The following HCN2 variants were observed in gnomAD, a reference collection of about 807,000 sequenced individuals.
HCN2 encodes hyperpolarization activated cyclic nucleotide gated potassium and sodium channel 2, also known as potassium/sodium hyperpolarization-activated cyclic nucleotide-gated channel 2.
In HCN2, 20 loss-of-function variants were observed where a neutral mutation model predicts 52.3. The observed-to-expected ratio is 0.38, with a 90% CI of 0.27 to 0.56. The LOEUF (loss-of-function observed/expected upper bound fraction) is 0.56, where lower values mean the gene tolerates loss of function less well. HCN2 is among the 20% of genes least tolerant of loss of function. HCN2 has a pLI of 0.71. For synonymous variants in HCN2, 694 were observed against 537.0 expected (o/e 1.29, Z -4.04); for missense variants, 981 against 1,207.7 (o/e 0.81, Z 2.78).
In HCN2 at chr19:614,512, C is replaced by T. The variant is rs574573246; in HGVS notation, c.1990+496C>T. 8.4e-4 allele frequency among the ~76,000 whole-genome samples: 128 copies of T among 152,226 alleles called. 1 individual carries two copies. Among genetic ancestry groups the T allele is most frequent in the African/African-American group, 2.8e-3 (117 of 41,522 alleles). On this transcript the variant is annotated intron_variant, in intron 7 of 7. Transcript: ENST00000251287. Reference sequence around the variant, plus strand: ...TGAGTTGGGAATGCAGAGTGGAGACCAGGGTAAGGGATGCCATGTGGAAAC... The same window carrying T: ...TGAGTTGGGAATGCAGAGTGGAGACTAGGGTAAGGGATGCCATGTGGAAAC...
chr19:603,797 G>T lies in HCN2; in HGVS notation c.886G>T (p.Val296Leu), dbSNP rs773962337. Residue 296 changes from valine to leucine, a missense_variant, in exon 2 of 8, where the codon GTG becomes TTG. By Grantham distance (32) the Val-to-Leu change is conservative. This residue lies in a region of HCN2 where 282 missense variants were observed against 553.8 expected (regional missense o/e 0.51). Transcript: ENST00000251287. The part of the protein sequence containing the change: ...YLRTWFVVDF[V>L]SSIPVDYIFL... ...GCGCACGTGGTTCGTGGTGGACTTC[G>T]TGTCCTCCATCCCCGTGGACTACAT... 1.2e-6 allele frequency: 2 copies of T among 1,612,640 alleles called. No individual in the cohort carries two copies. The highest frequency in any genetic ancestry group is 1.7e-6 in the Non-Finnish European group (2 of 1,179,836).
intron 1 of HCN2, among the ~76,000 whole-genome samples, chr19:601,135 A>G (rs1441056899): frequency 6.6e-6 from 1 of 152,182 alleles, no homozygotes; most frequent in African/African-American, 2.4e-5. Flanking sequence ...CAACATGGTG[A>G]AACCCTGTCT....
At chr19:595,127 A>C (rs1254932516) in intron 1 of HCN2, among the ~76,000 whole-genome samples, 1 of 152,102 alleles carries the variant, frequency 6.6e-6, no homozygotes, top group African/African-American at 2.4e-5. Context: ...ACCTGAGCCC[A>C]GGAGGTTGAG....
chr19:604,615 GTT>G, intron 2 of HCN2, among the ~76,000 whole-genome samples: 2 of 136,070 alleles, frequency 1.5e-5, no homozygotes, highest in African/African-American at 2.9e-5. Flanking sequence ...AGATATGAGG[GTT>G]GTGCTGGGCG....
In HCN2 at chr19:616,437, A is replaced by AG. The variant is rs1983930283; in HGVS notation, c.2635dup (p.Asp879GlyfsTer?). 1 of 1,246,214 alleles carries AG rather than the reference A, an allele frequency of 8.0e-7. No individual in the cohort carries two copies. The highest frequency in any genetic ancestry group is 1.0e-6 in the Non-Finnish European group (1 of 992,264). The allele number at this position is 1,246,214 out of a possible 1,614,324, so 77.2% of individuals were successfully genotyped here. On this transcript the variant is annotated frameshift_variant, in exon 8 of 8. Coordinates refer to ENST00000251287, the MANE Select transcript of HCN2 (RefSeq NM_001194.4). LOFTEE classifies it low-confidence loss of function (END_TRUNC). ...GGCGCCGCCGGCGGCCTGGACCCCCAGGACTCCGCGCGCTCGCGCCTCTCG... is the reference window on the plus strand; with the variant it reads ...GGCGCCGCCGGCGGCCTGGACCCCCAGGGACTCCGCGCGCTCGCGCCTCTCG...
chr19:604,372 G>T (rs1213355895), intron 2 of HCN2, among the ~76,000 whole-genome samples: 1 of 149,084 alleles, frequency 6.7e-6, no homozygotes, highest in Non-Finnish European at 1.5e-5. Context: ...CTACAATGGT[G>T]CAGTGGTAGA....
intron 2 of HCN2, 45 bp downstream of exon 2, chr19:604,012 A>G (rs767814420): frequency 4.5e-6 from 6 of 1,330,828 alleles, no homozygotes; most frequent in Admixed American, 4.2e-5. Flanking sequence ...GGGCGGGGCT[A>G]TAATGGTGCA....
At chr19:604,548 A>G (rs1983335493) in intron 2 of HCN2, among the ~76,000 whole-genome samples, 1 of 109,236 alleles carries the variant, frequency 9.2e-6, no homozygotes, top group African/African-American at 4.0e-5. Context: ...GGCGGGGTCA[A>G]GGCATCAGGG....
intron 2 of HCN2, among the ~76,000 whole-genome samples, chr19:604,837 C>G (rs1983361943): frequency 2.0e-5 from 1 of 50,284 alleles, no homozygotes; most frequent in Non-Finnish European, 3.5e-5. Context: ...GGGGGTCCTG[C>G]AGTGAAGGCT....
chr19:616,146 CGGGCGCGCCCGCCAGCCCCCG>C lies in HCN2; in HGVS notation c.2345_2365del (p.Gly782_Arg788del), dbSNP rs1983906181. 1 of 960,662 alleles carries C rather than the reference CGGGCGCGCCCGCCAGCCCCCG, an allele frequency of 1.0e-6. No individual in the cohort carries two copies. The highest frequency in any genetic ancestry group is 6.4e-5 in the Admixed American group (1 of 15,678). The allele number at this position is 960,662 out of a possible 1,614,324, so 59.5% of individuals were successfully genotyped here. A position where few individuals can be genotyped will look rare whatever the true frequency, so the allele number is the denominator to read the frequency against. ...GGGCCCCCGCCCCCCGCCAGCCCCC[CGGGCGCGCCCGCCAGCCCCCG>C]GGCACCGCGGACCTCGCCCTACGGC... On this transcript the variant is annotated inframe_deletion, in exon 8 of 8. Transcript: ENST00000251287.
At chr19:602,528 T>C (rs1428907452) in intron 1 of HCN2, among the ~76,000 whole-genome samples, 1 of 152,158 alleles carries the variant, frequency 6.6e-6, no homozygotes, top group African/African-American at 2.4e-5. Flanking sequence ...CAGTAAGGCA[T>C]CTGGGGCCCT....
chr19:599,254 C>T (rs896022240), intron 1 of HCN2, among the ~76,000 whole-genome samples: 3 of 152,232 alleles, frequency 2.0e-5, no homozygotes, highest in Admixed American at 6.5e-5. Context: ...TGGGTCACCC[C>T]GCAGACGTGG....
rs765305816 is a variant in HCN2 at position 613,840 on chromosome 19, C to G, written c.1826-12C>G. 6.5e-7 allele frequency: 1 copy of G among 1,538,826 alleles called. No homozygotes were observed. Among genetic ancestry groups the G allele is most frequent in the Non-Finnish European group, 8.7e-7 (1 of 1,148,818 alleles). On this transcript the variant is annotated splice_polypyrimidine_tract_variant and intron_variant, in intron 6 of 7. Transcript: ENST00000251287. ...CCTCGTCCAGCAACCCCCCCCTGCG[C>G]GCCACGTGCAGAGATCTGCCTGCTC... is the stretch of plus-strand genomic sequence containing the variant.
chr19:611,506 C>T (rs777021800), intron 5 of HCN2, among the ~76,000 whole-genome samples: 5 of 152,164 alleles, frequency 3.3e-5, no homozygotes, highest in Middle Eastern at 6.3e-3. Flanking sequence ...CTAGGGACCT[C>T]GGGCCCCGGG....
chr19:595,674 C>T (rs1013920936), intron 1 of HCN2, among the ~76,000 whole-genome samples: 9 of 152,326 alleles, frequency 5.9e-5, no homozygotes, highest in Non-Finnish European at 7.4e-5. Flanking sequence ...TGTGCCCCGG[C>T]GCCCGGCGAG....
At position 605,436 on chromosome 19, in the gene HCN2, C is replaced by T. The variant is rs12978322; in HGVS notation, c.1218+214C>T. 6.6e-3 allele frequency among the ~76,000 whole-genome samples: 253 copies of T among 38,064 alleles called. 3 individuals carry two copies. Among genetic ancestry groups the T allele is most frequent in the African/African-American group, 0.028 (166 of 5,978 alleles). The allele number at this position is 38,064 out of a possible 152,430, so 25.0% of individuals were successfully genotyped here. On this transcript the variant is annotated intron_variant, in intron 3 of 7. Coordinates refer to ENST00000251287, the MANE Select transcript of HCN2 (RefSeq NM_001194.4). ...GGGAGGACTCGGGCCCTTTCAGAGG[C>T]GGGGACCCAGGCGCCCCCTTATGGA...
Position 615,841 on chromosome 19 carries a change from C to G in HCN2, c.2037C>G (p.Asn679Lys), listed in dbSNP as rs1983881139. The change falls in exon 8 of 8, where the codon AAC becomes AAG. Residue 679 changes from asparagine to lysine, a missense_variant. Coordinates refer to ENST00000251287, the MANE Select transcript of HCN2 (RefSeq NM_001194.4). The stretch of plus-strand genomic sequence containing the variant: ...TGCACAAGGTGCAGCATGACCTCAA[C>G]TCGGGCGTATTCAACAACCAGGAGA... ...ILLHKVQHDL[N>K]SGVFNNQENA... 3 of 1,612,896 alleles carry G rather than the reference C, an allele frequency of 1.9e-6. No homozygotes were observed. Among genetic ancestry groups the G allele is most frequent in the South Asian group, 2.2e-5 (2 of 91,008 alleles).
chr19:612,970 G>T (rs1241907001), intron 5 of HCN2, among the ~76,000 whole-genome samples: 1 of 151,858 alleles, frequency 6.6e-6, no homozygotes, highest in Non-Finnish European at 1.5e-5. Context: ...GTGAGCCCCC[G>T]CACCCGGCCT....
chr19:613,916 C>G lies in HCN2; in HGVS notation c.1890C>G (p.Leu630=). 1.2e-6 allele frequency: 2 copies of G among 1,603,720 alleles called. No individual in the cohort carries two copies. The highest frequency in any genetic ancestry group is 1.1e-5 in the South Asian group (1 of 90,462). ...TGCGGGCTGACACCTACTGCCGCCT[C>G]TATTCGCTGAGCGTGGACAACTTCA... ...ASVRADTYCR[L]YSLSVDNFNE... Residue 630 remains leucine (L), a synonymous_variant, in exon 7 of 8, where the codon CTC becomes CTG. Transcript: ENST00000251287.
Sources: allele counts gnomAD v4.1 joint callset (sites outside exome capture counted in the v4.1 genomes callset), GRCh38; gene constraint gnomAD v4.1.1; regional missense constraint gnomAD v4.1.1; transcripts MANE v1.5; gene names NCBI Gene and HGNC (gene_info 2026-07-23, HGNC 2026-07-21).